Variants in TAB1 observed in about 807,000 individuals in gnomAD.
TAB1 encodes the protein TGF-beta-activated kinase 1 and MAP3K7-binding protein 1.
In TAB1, 30 loss-of-function variants were observed where a neutral mutation model predicts 54.5. The observed-to-expected ratio is 0.55, with a 90% CI of 0.41 to 0.75. The LOEUF is 0.75. TAB1 is among the 30% of genes least tolerant of loss of function. TAB1 has a pLI of 0.00. For synonymous variants in TAB1, 289 were observed against 286.9 expected (o/e 1.01, Z -0.07); for missense variants, 609 against 683.2 (o/e 0.89, Z 1.21).
At chr22:39,412,319 C>T (rs1257511557) in intron 1 of TAB1, among the ~76,000 whole-genome samples, 4 of 152,152 alleles carry the variant, frequency 2.6e-5, no homozygotes, top group African/African-American at 7.2e-5. Context: ...GGATTACAGG[C>T]GTGAGCCACT....
At chr22:39,433,704 C>T (rs370047328), downstream of TAB1, 116 of 985,406 alleles carry the variant, frequency 1.2e-4, 2 homozygotes, top group East Asian at 5.7e-3. Flanking sequence ...ATGCCCGTGT[C>T]GGGATGTTCC....
At chr22:39,429,278 T>C (rs1927482252) in intron 10 of TAB1, 1 of 985,184 alleles carries the variant, frequency 1.0e-6, no homozygotes, top group African/African-American at 1.7e-5. Flanking sequence ...GAAGGAAGGT[T>C]TTCTAGAAGA....
chr22:39,401,034 CAAAAAAAAA>C (rs566248298), intron 1 of TAB1, among the ~76,000 whole-genome samples: 5 of 45,714 alleles, frequency 1.1e-4, no homozygotes, highest in African/African-American at 2.9e-4. Flanking sequence ...GACTGTGTCT[CAAAAAAAAA>C]AAAAAAAAAA....
chr22:39,420,246 G>A (rs1927010625), intron 7 of TAB1, among the ~76,000 whole-genome samples: 2 of 152,182 alleles, frequency 1.3e-5, no homozygotes, highest in South Asian at 4.1e-4. Flanking sequence ...GCCCCCTGAG[G>A]CAGTCACTGC....
At chr22:39,436,665 G>C, downstream of TAB1, 1 of 998,490 alleles carries the variant, frequency 1.0e-6, no homozygotes, top group Non-Finnish European at 1.6e-6. Flanking sequence ...ATCTTCTCGT[G>C]CCAGGCCAGG....
At chr22:39,434,127 G>C (rs551212065), downstream of TAB1, among the ~76,000 whole-genome samples, 1 of 152,214 alleles carries the variant, frequency 6.6e-6, no homozygotes, top group Non-Finnish European at 1.5e-5. Flanking sequence ...AAAATGAGGC[G>C]ACGACCCACT....
At chr22:39,409,098 T>C (rs1393869761) in intron 1 of TAB1, among the ~76,000 whole-genome samples, 1 of 152,218 alleles carries the variant, frequency 6.6e-6, no homozygotes, top group Non-Finnish European at 1.5e-5. Context: ...TAGAAATATC[T>C]TTTCCTCCCA....
At chr22:39,408,820 G>C (rs553781574) in intron 1 of TAB1, among the ~76,000 whole-genome samples, 2 of 152,258 alleles carry the variant, frequency 1.3e-5, no homozygotes, top group East Asian at 3.9e-4. Context: ...TTTTTTAATA[G>C]TGTATGTCTA....
At chr22:39,424,343 C>T (rs1008642099) in intron 8 of TAB1, among the ~76,000 whole-genome samples, 3 of 151,776 alleles carry the variant, frequency 2.0e-5, no homozygotes, top group Non-Finnish European at 4.4e-5. Flanking sequence ...ACTTATTTTC[C>T]TTTAGGTAGA....
chr22:39,412,892 C>CT (rs34847488), intron 1 of TAB1, among the ~76,000 whole-genome samples: 50,013 of 90,960 alleles, frequency 0.55, 14,727 homozygotes, highest in East Asian at 0.77. Context: ...TATCCTGCAA[C>CT]TTTTTTTTTT....
In TAB1 at chr22:39,431,682, C is replaced by T. The variant is rs180687817; in HGVS notation, c.*1460C>T. On this transcript the variant is annotated 3_prime_UTR_variant, in exon 11 of 11. Transcript: ENST00000216160. ...AAAACAGGTCTCAGCCCAGGGTCCT[C>T]GCTCACTCCCTCACTCCCCACTTTG... 283 of 985,440 alleles carry T rather than the reference C, an allele frequency of 2.9e-4. No individual in the cohort carries two copies. The African/African-American group carries it at 4.4e-3, about 15-fold the overall frequency. The allele number at this position is 985,440 out of a possible 1,614,324, so 61.0% of individuals were successfully genotyped here.
At chr22:39,403,302 G>C (rs1025374664) in intron 1 of TAB1, among the ~76,000 whole-genome samples, 4 of 152,250 alleles carry the variant, frequency 2.6e-5, no homozygotes, top group African/African-American at 9.6e-5. Flanking sequence ...TTCACACACA[G>C]AATGTTGGGG....
chr22:39,428,874 CAG>C (rs1568987701), intron 10 of TAB1, among the ~76,000 whole-genome samples: 2 of 152,252 alleles, frequency 1.3e-5, no homozygotes, highest in African/African-American at 4.8e-5. Context: ...TCTGCCCCAT[CAG>C]GGGGCCTTCC....
intron 1 of TAB1, among the ~76,000 whole-genome samples, chr22:39,404,396 C>T (rs1196732628): frequency 6.6e-6 from 1 of 151,996 alleles, no homozygotes; most frequent in Non-Finnish European, 1.5e-5. Flanking sequence ...TCAGCTCGGG[C>T]AACATAGTGA....
At chr22:39,405,687 G>A (rs1926330937) in intron 1 of TAB1, among the ~76,000 whole-genome samples, 1 of 152,334 alleles carries the variant, frequency 6.6e-6, no homozygotes, top group Non-Finnish European at 1.5e-5. Context: ...GAAATGTGGA[G>A]GAAGGAAGCG....
chr22:39,421,861 G>A lies in TAB1; in HGVS notation c.811G>A (p.Glu271Lys), dbSNP rs1379442153. 1.2e-6 allele frequency: 2 copies of A among 1,613,978 alleles called. No individual in the cohort carries two copies. Among genetic ancestry groups the A allele is most frequent in the Non-Finnish European group, 8.5e-7 (1 of 1,180,000 alleles). The change falls in exon 8 of 11, where the codon GAA becomes AAA. Residue 271 changes from glutamate (E) to lysine (K), a missense_variant. Physicochemically the swap from Glu to Lys is moderately conservative, Grantham distance 56 (BLOSUM62 1). Transcript: ENST00000216160. ...AKSKPIIAEP[E>K]IHGAQPLDGV... The stretch of plus-strand genomic sequence containing the variant: ...GTCCAAACCAATCATCGCAGAGCCA[G>A]AAATCCATGGGGCACAGCCGCTGGA...
In TAB1 at chr22:39,415,001, C is replaced by T. The variant is rs1489738548; in HGVS notation, c.34-5C>T. On this transcript the variant is annotated splice_region_variant and splice_polypyrimidine_tract_variant and intron_variant, in intron 1 of 10. Coordinates refer to ENST00000216160, the MANE Select transcript of TAB1 (RefSeq NM_006116.3). This position sits in a 1 kb window ranked among gnomAD's most constrained non-coding sequence, Gnocchi z 4.9. ...GTCTCACGGCTTCCTGGTGTCCTTC[C>T]CCAGGAGCAGCAGCCAAGCTGGACA... The T allele has an allele frequency of 6.2e-7, 1 of 1,613,904 alleles. No individual in the cohort carries two copies. Among genetic ancestry groups the T allele is most frequent in the Non-Finnish European group, 8.5e-7 (1 of 1,179,976 alleles).
chr22:39,403,896 G>A (rs575154284), intron 1 of TAB1, among the ~76,000 whole-genome samples: 180 of 152,016 alleles, frequency 1.2e-3, no homozygotes, highest in African/African-American at 4.2e-3. Context: ...TGCCAGCCTC[G>A]GCCTCCCAAA....
chr22:39,415,626 G>T lies in TAB1; in HGVS notation c.297G>T (p.Glu99Asp). ...LLGQLNAEHA[E>D]ADVRRVLLQA... ...GCCAGCTGAATGCCGAGCACGCCGAGGCCGATGTGCGGCGTGTGCTGCTGC... is the reference window on the plus strand; with the variant it reads ...GCCAGCTGAATGCCGAGCACGCCGATGCCGATGTGCGGCGTGTGCTGCTGC... The change falls in exon 3 of 11, where the codon GAG (glutamate) becomes GAT (aspartate). Residue 99 changes from glutamate (E) to aspartate (D), a missense_variant. Physicochemically the swap from Glu to Asp is conservative, Grantham distance 45. Transcript: ENST00000216160. The surrounding 1 kb of genome is among the most constrained non-coding windows in gnomAD (Gnocchi z 4.9). 6.2e-7 allele frequency: 1 copy of T among 1,612,536 alleles called. No individual in the cohort carries two copies. The highest frequency in any genetic ancestry group is 8.5e-7 in the Non-Finnish European group (1 of 1,179,964).
Sources: gnomAD v4.1 joint callset for allele counts (sites outside exome capture counted in the v4.1 genomes callset) on GRCh38, gnomAD v4.1.1 for gene constraint, Gnocchi (gnomAD v3.1) non-coding constraint, MANE v1.5 for transcripts, NCBI Gene and HGNC (gene_info 2026-07-23, HGNC 2026-07-21) for gene names.